The following SUCO variants were observed in gnomAD, a reference collection of about 807,000 sequenced individuals.
SUCO encodes the protein SUN domain containing ossification factor.
In SUCO, 57 loss-of-function variants were observed where a neutral mutation model predicts 148.1. The observed-to-expected ratio is 0.38, with a 90% CI of 0.31 to 0.48. The LOEUF (loss-of-function observed/expected upper bound fraction) is 0.48, where lower values mean the gene tolerates loss of function less well. SUCO is among the 20% of genes least tolerant of loss of function. The pLI, the probability that SUCO is intolerant of heterozygous loss-of-function variation, is 0.96. For missense variants in SUCO, 1,331 were observed against 1,468.2 expected (o/e 0.91, Z 1.53); for synonymous variants, 470 against 502.7 (o/e 0.93, Z 0.87).
At chr1:172,559,363 A>T (rs1653973138) in intron 6 of SUCO, among the ~76,000 whole-genome samples, 1 of 152,192 alleles carries the variant, frequency 6.6e-6, no homozygotes, top group Admixed American at 6.5e-5. Context: ...CTTTGTTAGT[A>T]TCTCAGCTAG....
intron 18 of SUCO, 59 bp downstream of exon 18, chr1:172,589,985 G>T: frequency 7.5e-7 from 1 of 1,342,076 alleles, no homozygotes; most frequent in Non-Finnish European, 9.9e-7. Context: ...GCAGCATAGA[G>T]TATGACCTGT....
chr1:172,609,109 T>G, intron 23 of SUCO: 1 of 421,196 alleles, frequency 2.4e-6, no homozygotes, highest in Non-Finnish European at 3.2e-6. Context: ...CAAAAAAAAT[T>G]TGTTGATCCT....
chr1:172,577,541 G>A lies in SUCO; in HGVS notation c.1266G>A (p.Met422Ile). 6.2e-7 allele frequency: 1 copy of A among 1,610,462 alleles called. No homozygotes were observed. Among genetic ancestry groups the A allele is most frequent in the Non-Finnish European group, 8.5e-7 (1 of 1,178,542 alleles). ...TCTTTTCCTTTCTCTTGCTTCAGAT[G>A]TTCATCAAGTACATAAAGGTTAGCA... Reference protein sequence around the residue: ...DEQMYAKYVKMFIKYIKVELL... With the variant: ...DEQMYAKYVKIFIKYIKVELL... Residue 422 changes from methionine (M) to isoleucine (I), a missense_variant and splice_region_variant, in exon 12 of 24, where the codon ATG becomes ATA. Met to Ile is a conservative substitution (Grantham distance 10). This residue lies in a region of SUCO where 992 missense variants were observed against 1,093.5 expected (regional missense o/e 0.91). Coordinates refer to ENST00000263688, the MANE Select transcript of SUCO (RefSeq NM_014283.5).
At chr1:172,588,481 T>C in intron 17 of SUCO, 1 of 985,218 alleles carries the variant, frequency 1.0e-6, no homozygotes, top group South Asian at 4.7e-5. Flanking sequence ...TTAGAAACAA[T>C]TCTTAAACAG....
intron 19 of SUCO, among the ~76,000 whole-genome samples, chr1:172,592,266 A>G (rs1656729803): frequency 1.3e-5 from 2 of 152,056 alleles, no homozygotes; most frequent in Admixed American, 6.6e-5. Context: ...GCTGTGCAGA[A>G]GCTCTTTAGT....
intron 1 of SUCO, among the ~76,000 whole-genome samples, chr1:172,541,339 A>G (rs191409102): frequency 1.3e-4 from 20 of 152,288 alleles, no homozygotes; most frequent in African/African-American, 4.1e-4. Context: ...ACCTCTAGAT[A>G]TTTATATGGG....
rs1186375369 is a variant in SUCO at position 172,557,600 on chromosome 1, C to A, written c.582-44C>A. 2.0e-6 allele frequency: 3 copies of A among 1,510,980 alleles called. No homozygotes were observed. The South Asian group carries it at 3.9e-5, about 20-fold the overall frequency. 93.6% of individuals were successfully genotyped at this position (1,510,980 alleles called of 1,614,324 possible). On this transcript the variant is annotated intron_variant, in intron 5 of 23. Transcript: ENST00000263688. Reference sequence around the variant, plus strand: ...ATTTAGATTGTATAGAATTTGTTATCCAGTAAAATCTGTTTATTTAATATA... The same window carrying A: ...ATTTAGATTGTATAGAATTTGTTATACAGTAAAATCTGTTTATTTAATATA...
chr1:172,584,389 C>G (rs1245250299), intron 15 of SUCO: 3 of 936,686 alleles, frequency 3.2e-6, no homozygotes, highest in Non-Finnish European at 3.8e-6. Context: ...TTTCCCTGTC[C>G]CAGTACAGAC....
intron 4 of SUCO, chr1:172,556,620 A>G (rs1428500235): frequency 1.0e-6 from 1 of 984,610 alleles, no homozygotes; most frequent in Non-Finnish European, 1.2e-6. Flanking sequence ...AAGAAGAATA[A>G]CTGGTACATA....
intron 8 of SUCO, 116 bp downstream of exon 8, chr1:172,570,287 A>G (rs1654857202): frequency 5.2e-6 from 3 of 577,908 alleles, no homozygotes; most frequent in Non-Finnish European, 8.5e-6. Context: ...TTATTCACTA[A>G]TAAAAGCAGA....
In SUCO at chr1:172,570,190, A is replaced by G; in HGVS notation, c.981+19A>G. The G allele has an allele frequency of 6.6e-7, 1 of 1,508,522 alleles. No homozygotes were observed. The highest frequency in any genetic ancestry group is 1.3e-5 in the South Asian group (1 of 76,850). The allele number at this position is 1,508,522 out of a possible 1,614,324, so 93.4% of individuals were successfully genotyped here. ...AGCCAAGGTAGGTGTTTAAATATAA[A>G]ATTTTGTATATATAGGAAATTAACG... On this transcript the variant is annotated intron_variant, in intron 8 of 23. Coordinates refer to ENST00000263688, the MANE Select transcript of SUCO (RefSeq NM_014283.5).
Position 172,557,468 on chromosome 1 carries a change from TG to T in SUCO, c.581+52del. Reference sequence around the variant, plus strand: ...TCTTATGATTCTGTAATAACAGCAGTGTCCTGTTTGAATGGACTTTGGTGTA... The same window carrying T: ...TCTTATGATTCTGTAATAACAGCAGTTCCTGTTTGAATGGACTTTGGTGTA... On this transcript the variant is annotated intron_variant, in intron 5 of 23. Transcript: ENST00000263688. The T allele has an allele frequency of 1.9e-6, 3 of 1,605,476 alleles. No individual in the cohort carries two copies. The South Asian group carries it at 3.3e-5, about 18-fold the overall frequency.
chr1:172,579,865 T>G (rs1655746357), intron 15 of SUCO, among the ~76,000 whole-genome samples: 1 of 152,184 alleles, frequency 6.6e-6, no homozygotes. Context: ...ATTTCAATGA[T>G]GTTTTTGATT....
intron 22 of SUCO, among the ~76,000 whole-genome samples, chr1:172,607,391 T>C (rs1657928632): frequency 6.6e-6 from 1 of 151,510 alleles, no homozygotes; most frequent in Non-Finnish European, 1.5e-5. Context: ...GCTTCATTCT[T>C]TACCTGAGAA....
At chr1:172,600,503 T>C (rs1657428181) in intron 20 of SUCO, among the ~76,000 whole-genome samples, 1 of 152,176 alleles carries the variant, frequency 6.6e-6, no homozygotes, top group South Asian at 2.1e-4. Context: ...AACATTTCAT[T>C]GATTTAAAAA....
In SUCO at chr1:172,540,177, G is replaced by A. The variant is rs918804179; in HGVS notation, c.62+6680G>A. ...TTGCCCAAGTTCTTACAGCCAGGAAGCAACAGAGCCAGAACTAAGAAGGCC... is the reference window on the plus strand; with the variant it reads ...TTGCCCAAGTTCTTACAGCCAGGAAACAACAGAGCCAGAACTAAGAAGGCC... On this transcript the variant is annotated intron_variant, in intron 1 of 23. Transcript: ENST00000263688. Among the ~76,000 whole-genome samples the A allele has an allele frequency of 2.6e-5, 4 of 152,218 alleles. No homozygotes were observed. In the East Asian group the frequency reaches 5.8e-4, roughly 22 times the overall value.
At chr1:172,535,674 C>T (rs1263842985) in intron 1 of SUCO, among the ~76,000 whole-genome samples, 4 of 152,120 alleles carry the variant, frequency 2.6e-5, no homozygotes, top group Admixed American at 6.5e-5. Flanking sequence ...TTTTAGTAGC[C>T]ACTTTTGTCT....
At chr1:172,588,283 A>G in intron 17 of SUCO, 1 of 985,324 alleles carries the variant, frequency 1.0e-6, no homozygotes, top group Non-Finnish European at 1.2e-6. Context: ...TTCAAGTACA[A>G]AGTGCACTCA....
At chr1:172,541,147 G>A (rs1652424929) in intron 1 of SUCO, among the ~76,000 whole-genome samples, 1 of 152,040 alleles carries the variant, frequency 6.6e-6, no homozygotes, top group Non-Finnish European at 1.5e-5. Flanking sequence ...TAAAAACAAT[G>A]TTGTATAACA....
Sources: allele counts gnomAD v4.1 joint callset (sites outside exome capture counted in the v4.1 genomes callset), GRCh38; gene constraint gnomAD v4.1.1; regional missense constraint gnomAD v4.1.1; transcripts MANE v1.5; gene names NCBI Gene and HGNC (gene_info 2026-07-23, HGNC 2026-07-21).